DMD: variants seen among roughly 807,000 people sequenced by gnomAD.
DMD encodes the protein dystrophin, also known as mutant dystrophin.
A neutral mutation model predicts 330.1 loss-of-function variants in DMD; 63 were observed. That is an observed-to-expected ratio of 0.19 (90% CI 0.16 to 0.24). The LOEUF (loss-of-function observed/expected upper bound fraction) is 0.24, where lower values mean the gene tolerates loss of function less well. Ranked by LOEUF, DMD falls within the 10% of genes least tolerant of loss-of-function variation. The pLI, the probability that DMD is intolerant of heterozygous loss-of-function variation, is 1.00. For missense variants in DMD, 3,344 were observed against 2,684.1 expected (o/e 1.25, Z -5.43); for synonymous variants, 1,223 against 959.8 (o/e 1.27, Z -5.07).
intron 1 of DMD, among the ~76,000 whole-genome samples, chrX:33,176,535 C>T (rs1216549651): frequency 9.8e-6 from 1 of 102,492 alleles, no homozygotes; most frequent in Non-Finnish European, 2.0e-5. Flanking sequence ...AGCAGGTTTG[C>T]AGCCACGAAA....
chrX:31,266,797 G>A (rs778868462), intron 62 of DMD: 2 of 1,198,024 alleles, frequency 1.7e-6, no homozygotes, highest in Admixed American at 2.2e-5. Context: ...GGCCGGGGCC[G>A]CGATCCACTT....
intron 47 of DMD, among the ~76,000 whole-genome samples, chrX:31,877,696 C>T (rs199977204): frequency 1.4e-5 from 1 of 71,125 alleles, no homozygotes; most frequent in African/African-American, 4.9e-5. Flanking sequence ...TGTGTGTGTG[C>T]ACGCACGCGC....
chrX:32,480,275 C>T (rs777841147), intron 21 of DMD, among the ~76,000 whole-genome samples: 1 of 111,499 alleles, frequency 9.0e-6, no homozygotes, highest in Non-Finnish European at 1.9e-5. Context: ...GTTGGAGAGG[C>T]TGTGGAGAAA....
At position 32,699,214 on chromosome X, in the gene DMD, C is replaced by T. The variant is rs182730498; in HGVS notation, c.729G>A (p.Val243=). Residue 243 remains valine, a synonymous_variant, in exon 8 of 79, where the codon GTG becomes GTA. Coordinates refer to ENST00000357033, the MANE Select transcript of DMD (RefSeq NM_004006.3). ...TSLFQVLPQQ[V]SIEAIQEVEM... Reference sequence around the variant, plus strand: ...CCACTTCCTGGATGGCTTCAATGCTCACTTGTTGAGGCAAAACTTGGAAGA... The same window carrying T: ...CCACTTCCTGGATGGCTTCAATGCTTACTTGTTGAGGCAAAACTTGGAAGA... 9.1e-6 allele frequency: 11 copies of T among 1,207,603 alleles called. No homozygotes were observed. The East Asian group carries it at 1.5e-4, about 16-fold the overall frequency.
At chrX:32,861,290 A>G (rs1270469949) in intron 2 of DMD, among the ~76,000 whole-genome samples, 1 of 112,331 alleles carries the variant, frequency 8.9e-6, no homozygotes, top group Non-Finnish European at 1.9e-5. Flanking sequence ...GTTGGCCTCA[A>G]AGTAACAGAA....
intron 2 of DMD, among the ~76,000 whole-genome samples, chrX:32,859,089 A>C (rs951411744): frequency 9.0e-6 from 1 of 111,434 alleles, no homozygotes; most frequent in Non-Finnish European, 1.9e-5. Flanking sequence ...AATCGTATGC[A>C]CTCAATAAAT....
At chrX:32,071,204 G>A (rs1368154037) in intron 44 of DMD, among the ~76,000 whole-genome samples, 1 of 110,039 alleles carries the variant, frequency 9.1e-6, no homozygotes, top group Non-Finnish European at 1.9e-5. Context: ...TGGGTCAAAT[G>A]GTAATTCTAG....
intron 1 of DMD, among the ~76,000 whole-genome samples, chrX:33,073,332 G>A (rs1430454484): frequency 1.8e-5 from 2 of 111,335 alleles, no homozygotes; most frequent in East Asian, 5.7e-4. Context: ...AGCACTAAGA[G>A]GCTTAAAATA....
chrX:32,393,096 A>C (rs1356200660), intron 30 of DMD, among the ~76,000 whole-genome samples: 1 of 112,481 alleles, frequency 8.9e-6, no homozygotes, highest in Non-Finnish European at 1.9e-5. Context: ...CACAGGCATT[A>C]GTCCCTTCTT....
chrX:32,334,309 T>G (rs1292106756), intron 41 of DMD, among the ~76,000 whole-genome samples: 1 of 112,069 alleles, frequency 8.9e-6, no homozygotes, highest in Non-Finnish European at 1.9e-5. Context: ...TACAATTCCA[T>G]TTGCTAAAGA....
intron 3 of DMD, among the ~76,000 whole-genome samples, chrX:32,845,404 A>T (rs920878201): frequency 2.7e-5 from 3 of 112,178 alleles, no homozygotes; most frequent in African/African-American, 9.7e-5. Context: ...TTTTTAAACC[A>T]ACATCTGCAT....
At chrX:33,335,990 G>T (rs928199737) in intron 1 of DMD, among the ~76,000 whole-genome samples, 3 of 111,106 alleles carry the variant, frequency 2.7e-5, no homozygotes, top group African/African-American at 9.8e-5. Flanking sequence ...TAACATTGGA[G>T]AATCACAGCA....
chrX:32,206,218 T>G, intron 44 of DMD: 2 of 514,026 alleles, frequency 3.9e-6, no homozygotes, highest in Non-Finnish European at 7.1e-6. Flanking sequence ...CCAGTGCATG[T>G]GAGTGGACAG....
At position 33,069,601 on chromosome X, in the gene DMD, GAAC is replaced by G. The variant is rs760548594; in HGVS notation, c.32-49404_32-49402del. On this transcript the variant is annotated intron_variant, in intron 1 of 78. Coordinates refer to ENST00000357033, the MANE Select transcript of DMD (RefSeq NM_004006.3). The stretch of plus-strand genomic sequence containing the variant: ...CTTGTCAACATCTATCTAAATTGAA[GAAC>G]AACAGCATTCCTTGATTTTGGGAAA... Among the ~76,000 whole-genome samples, 8 of 111,777 alleles carry G rather than the reference GAAC, an allele frequency of 7.2e-5. No individual in the cohort carries two copies. The East Asian group carries it at 1.1e-3, about 16-fold the overall frequency.
At chrX:32,741,500 T>C (rs2069263009) in intron 7 of DMD, among the ~76,000 whole-genome samples, 1 of 111,748 alleles carries the variant, frequency 8.9e-6, no homozygotes, top group Admixed American at 9.6e-5. Context: ...GTGATATCCA[T>C]GAGTCCATAA....
chrX:32,431,241 TC>T (rs2098237112), intron 29 of DMD, among the ~76,000 whole-genome samples: 1 of 111,409 alleles, frequency 9.0e-6, no homozygotes, highest in Non-Finnish European at 1.9e-5. Flanking sequence ...CTCTTGATTT[TC>T]TTTTTAAGTA....
intron 44 of DMD, among the ~76,000 whole-genome samples, chrX:32,006,772 T>C (rs948953900): frequency 9.1e-6 from 1 of 109,898 alleles, no homozygotes; most frequent in African/African-American, 3.3e-5. Flanking sequence ...AAGACTGGTG[T>C]CCTTTTGCGG....
chrX:33,274,354 G>T (rs1187535686), intron 1 of DMD, among the ~76,000 whole-genome samples: 1 of 112,067 alleles, frequency 8.9e-6, no homozygotes, highest in Non-Finnish European at 1.9e-5. Context: ...GAAAATTCAT[G>T]TTGAGAATAT....
intron 44 of DMD, among the ~76,000 whole-genome samples, chrX:32,115,331 G>C (rs1415056779): frequency 1.8e-5 from 2 of 111,527 alleles, no homozygotes; most frequent in African/African-American, 6.5e-5. Context: ...GACTTCCCAG[G>C]CTCAAGTGAT....
Sources: gnomAD v4.1 joint callset for allele counts (sites outside exome capture counted in the v4.1 genomes callset) on GRCh38, gnomAD v4.1.1 for gene constraint, MANE v1.5 for transcripts, NCBI Gene and HGNC (gene_info 2026-07-23, HGNC 2026-07-21) for gene names.